The following NKAIN2 variants were observed in gnomAD, a reference collection of about 807,000 sequenced individuals.
NKAIN2 encodes sodium/potassium transporting ATPase interacting 2.
Under a neutral mutation model 32.6 loss-of-function variants are expected in NKAIN2, and 14 were observed. The observed-to-expected ratio is 0.43, with a 90% CI of 0.28 to 0.67. NKAIN2 has a LOEUF of 0.67. Ranked by LOEUF, NKAIN2 falls within the 30% of genes least tolerant of loss-of-function variation. NKAIN2 has a pLI of 0.17. For missense variants in NKAIN2, 198 were observed against 258.3 expected (o/e 0.77, Z 1.60); for synonymous variants, 80 against 87.2 (o/e 0.92, Z 0.46).
rs147218497 is a variant in NKAIN2 at position 124,626,376 on chromosome 6, A to G, written c.274-31810A>G. ...GAAACTTCTGACAAAATATGCCATC[A>G]ATGAATCACAGAGACATGATATAAT... is the stretch of plus-strand genomic sequence containing the variant. On this transcript the variant is annotated intron_variant, in intron 3 of 6. Transcript: ENST00000368417. Among the ~76,000 whole-genome samples, 184 of 152,148 alleles carry G rather than the reference A, an allele frequency of 1.2e-3. 1 individual carries two copies. Among genetic ancestry groups the G allele is most frequent in the African/African-American group, 4.3e-3 (177 of 41,524 alleles).
At chr6:124,297,723 CCT>C (rs1273526550) in intron 2 of NKAIN2, among the ~76,000 whole-genome samples, 1 of 152,072 alleles carries the variant, frequency 6.6e-6, no homozygotes, top group Non-Finnish European at 1.5e-5. Context: ...GGCCCCGCCC[CCT>C]GTCAGTAATT....
chr6:124,078,959 T>G (rs919078420), intron 1 of NKAIN2, among the ~76,000 whole-genome samples: 1 of 152,184 alleles, frequency 6.6e-6, no homozygotes, highest in African/African-American at 2.4e-5. Context: ...TTATTTTTCT[T>G]CTTCCTCTTA....
At chr6:124,459,838 ATCTT>A (rs1562198306) in intron 3 of NKAIN2, among the ~76,000 whole-genome samples, 1 of 151,730 alleles carries the variant, frequency 6.6e-6, no homozygotes. Flanking sequence ...ATTTTGAAAA[ATCTT>A]AATCTTTCAA....
At chr6:123,983,423 C>T (rs973756307) in intron 1 of NKAIN2, among the ~76,000 whole-genome samples, 1 of 152,272 alleles carries the variant, frequency 6.6e-6, no homozygotes, top group South Asian at 2.1e-4. Flanking sequence ...CAGTGCCCTT[C>T]CAGCCATACA....
At chr6:124,018,667 C>A (rs1780711129) in intron 1 of NKAIN2, among the ~76,000 whole-genome samples, 1 of 152,152 alleles carries the variant, frequency 6.6e-6, no homozygotes. Flanking sequence ...TCATCTCCAT[C>A]TGAGGCACCT....
intron 1 of NKAIN2, among the ~76,000 whole-genome samples, chr6:124,143,117 T>G (rs1043974409): frequency 8.5e-5 from 13 of 152,186 alleles, no homozygotes; most frequent in Admixed American, 7.9e-4. Flanking sequence ...AAGCACATAT[T>G]TAAACACAAA....
At chr6:123,998,846 A>G (rs1165603315) in intron 1 of NKAIN2, among the ~76,000 whole-genome samples, 1 of 150,612 alleles carries the variant, frequency 6.6e-6, no homozygotes, top group Admixed American at 6.6e-5. Context: ...TGGTATCAAA[A>G]AGATAAAATG....
At chr6:123,955,352 A>T (rs1030700181) in intron 1 of NKAIN2, among the ~76,000 whole-genome samples, 1 of 151,966 alleles carries the variant, frequency 6.6e-6, no homozygotes. Context: ...GAAAATTGTG[A>T]ATGTACATTA....
At chr6:123,960,213 A>G (rs1562278983) in intron 1 of NKAIN2, among the ~76,000 whole-genome samples, 1 of 152,206 alleles carries the variant, frequency 6.6e-6, no homozygotes, top group South Asian at 2.1e-4. Flanking sequence ...TGTTCAAATT[A>G]AAGACACGTG....
chr6:124,552,553 C>G (rs1459967327), intron 3 of NKAIN2, among the ~76,000 whole-genome samples: 1 of 152,112 alleles, frequency 6.6e-6, no homozygotes, highest in Non-Finnish European at 1.5e-5. Context: ...GGCATATTCT[C>G]TTATATAAAG....
chr6:124,638,709 C>T (rs1307929996), intron 3 of NKAIN2, among the ~76,000 whole-genome samples: 1 of 151,772 alleles, frequency 6.6e-6, no homozygotes, highest in Non-Finnish European at 1.5e-5. Flanking sequence ...TCCTGGCTAA[C>T]GTGGTGAAAC....
At chr6:124,413,207 G>T (rs1380436634) in intron 3 of NKAIN2, among the ~76,000 whole-genome samples, 1 of 152,180 alleles carries the variant, frequency 6.6e-6, no homozygotes, top group Non-Finnish European at 1.5e-5. Context: ...GCACTCCCCA[G>T]TGAGATGAAC....
chr6:124,709,686 T>A (rs1465905595), intron 4 of NKAIN2, among the ~76,000 whole-genome samples: 1 of 151,384 alleles, frequency 6.6e-6, no homozygotes, highest in African/African-American at 2.4e-5. Context: ...GGTGGTGATA[T>A]CCCCTTTATC....
At chr6:123,824,666 A>G (rs1774069537) in intron 1 of NKAIN2, among the ~76,000 whole-genome samples, 1 of 151,978 alleles carries the variant, frequency 6.6e-6, no homozygotes, top group South Asian at 2.1e-4. Flanking sequence ...GCAAACCACC[A>G]TGGCACATGT....
intron 4 of NKAIN2, among the ~76,000 whole-genome samples, chr6:124,674,742 T>G (rs1361067534): frequency 6.6e-6 from 1 of 151,662 alleles, no homozygotes; most frequent in Non-Finnish European, 1.5e-5. Context: ...TTCTAACAGG[T>G]TTTTTTGTGA....
chr6:123,813,086 G>A (rs1336725194), intron 1 of NKAIN2, among the ~76,000 whole-genome samples: 2 of 152,326 alleles, frequency 1.3e-5, no homozygotes, highest in East Asian at 1.9e-4. Flanking sequence ...TATACAAGGT[G>A]GATCACCCAG....
intron 3 of NKAIN2, among the ~76,000 whole-genome samples, chr6:124,507,301 A>G (rs1778523668): frequency 6.6e-6 from 1 of 152,150 alleles, no homozygotes. Flanking sequence ...GCTTCCTAAC[A>G]AGGAAGCAGT....
chr6:123,933,037 C>A (rs1032081198), intron 1 of NKAIN2, among the ~76,000 whole-genome samples: 1 of 152,158 alleles, frequency 6.6e-6, no homozygotes, highest in African/African-American at 2.4e-5. Flanking sequence ...CTGTCTGTTA[C>A]CAACATCAGC....
At chr6:124,722,064 A>G (rs1776047113) in intron 4 of NKAIN2, among the ~76,000 whole-genome samples, 1 of 152,220 alleles carries the variant, frequency 6.6e-6, no homozygotes, top group Admixed American at 6.5e-5. Flanking sequence ...TATGAGTGGA[A>G]TCAGACAGTA....
Sources: allele counts gnomAD v4.1 joint callset (sites outside exome capture counted in the v4.1 genomes callset), GRCh38; gene constraint gnomAD v4.1.1; transcripts MANE v1.5; gene names NCBI Gene and HGNC (gene_info 2026-07-23, HGNC 2026-07-21).